The following ITSN1 variants were observed in gnomAD, a reference collection of about 807,000 sequenced individuals.
The protein encoded by ITSN1 is intersectin-1.
A neutral mutation model predicts 239.8 loss-of-function variants in ITSN1; 58 were observed. The observed-to-expected ratio is 0.24, with a 90% confidence interval of 0.20 to 0.30. The LOEUF (loss-of-function observed/expected upper bound fraction) is 0.30, where lower values mean the gene tolerates loss of function less well. ITSN1 is among the 10% of genes least tolerant of loss of function. ITSN1 has a pLI of 1.00. For missense variants in ITSN1, 1,558 were observed against 2,103.3 expected (o/e 0.74, Z 5.07); for synonymous variants, 780 against 770.8 (o/e 1.01, Z -0.20).
intron 1 of ITSN1, among the ~76,000 whole-genome samples, chr21:33,708,676 G>A (rs1355595666): frequency 1.3e-5 from 2 of 152,180 alleles, no homozygotes; most frequent in African/African-American, 2.4e-5. Context: ...GTGAGCCACC[G>A]CACCCGGCCT....
Position 33,749,253 on chromosome 21 carries a change from G to A in ITSN1, c.347-890G>A, listed in dbSNP as rs529218800. 9.9e-5 allele frequency among the ~76,000 whole-genome samples: 15 copies of A among 152,094 alleles called. No homozygotes were observed. In the South Asian group the frequency reaches 3.1e-3, roughly 32 times the overall value. ...GATCTTCCTGCCTTGGCCTTCCAAA[G>A]TAGTGAGTTTACAGGCATAAGCCAC... On this transcript the variant is annotated intron_variant, in intron 5 of 39. Transcript: ENST00000381318.
rs1986988220 is a variant in ITSN1 at position 33,899,685 on chromosome 21, T to C, written c.*11385T>C. 6.6e-6 allele frequency: 1 copy of C among 152,244 alleles called. No homozygotes were observed. 9.4% of individuals were successfully genotyped at this position (152,244 alleles called of 1,614,324 possible). On this transcript the variant is annotated 3_prime_UTR_variant, in exon 40 of 40. Coordinates refer to ENST00000381318, the MANE Select transcript of ITSN1 (RefSeq NM_003024.3). The stretch of plus-strand genomic sequence containing the variant: ...TTTTACCGATTAAGATGATGGTAAC[T>C]GAGACCTTTCTTTAAACCAGTAGCA...
chr21:33,665,642 A>G (rs564087070), intron 1 of ITSN1, among the ~76,000 whole-genome samples: 1 of 152,328 alleles, frequency 6.6e-6, no homozygotes, highest in South Asian at 2.1e-4. Flanking sequence ...GCTATATACC[A>G]AAAGAAAACA....
At chr21:33,858,605 C>T in intron 30 of ITSN1, 81 bp from the exon 31 acceptor site, 1 of 865,120 alleles carries the variant, frequency 1.2e-6, no homozygotes, top group African/African-American at 1.7e-5. Flanking sequence ...AGCCCTTTCC[C>T]TGCTCTCAGC....
chr21:33,744,484 T>C (rs1171847813), intron 5 of ITSN1, among the ~76,000 whole-genome samples: 1 of 152,202 alleles, frequency 6.6e-6, no homozygotes, highest in Non-Finnish European at 1.5e-5. Flanking sequence ...CTCCTAGTTC[T>C]GTTCACTGAA....
Position 33,781,558 on chromosome 21 carries a change from T to G in ITSN1, c.1684+10T>G. The G allele has an allele frequency of 7.0e-7, 1 of 1,429,294 alleles. No homozygotes were observed. Among genetic ancestry groups the G allele is most frequent in the Non-Finnish European group, 9.5e-7 (1 of 1,048,502 alleles). The allele number at this position is 1,429,294 out of a possible 1,614,324, so 88.5% of individuals were successfully genotyped here. A position where few individuals can be genotyped will look rare whatever the true frequency, so the allele number is the denominator to read the frequency against. ...CAGAACAGTTTGCACAGTAGGTGTTTTATTTTTAAAGTTGACCTTTTCTTT... is the reference window on the plus strand; with the variant it reads ...CAGAACAGTTTGCACAGTAGGTGTTGTATTTTTAAAGTTGACCTTTTCTTT... On this transcript the variant is annotated intron_variant, in intron 15 of 39. Coordinates refer to ENST00000381318, the MANE Select transcript of ITSN1 (RefSeq NM_003024.3).
At position 33,686,527 on chromosome 21, in the gene ITSN1, T is replaced by G. The variant is rs550453384; in HGVS notation, c.-32-32270T>G. On this transcript the variant is annotated intron_variant, in intron 1 of 39. Transcript: ENST00000381318. ...GGCAAGGTAATTGAACTGTGCTGAG[T>G]GCTCGCCGATGTATCCTTCTGGCCT... Among the ~76,000 whole-genome samples the G allele has an allele frequency of 7.9e-5, 12 of 152,252 alleles. No individual in the cohort carries two copies. The South Asian group carries it at 2.5e-3, about 32-fold the overall frequency.
chr21:33,703,882 T>C (rs1422285891), intron 1 of ITSN1, among the ~76,000 whole-genome samples: 2 of 152,208 alleles, frequency 1.3e-5, no homozygotes, highest in East Asian at 3.8e-4. Flanking sequence ...TGTTGTCTCC[T>C]CGCCGAAGAG....
chr21:33,751,975 C>A, intron 7 of ITSN1, 69 bp downstream of exon 7: 1 of 988,922 alleles, frequency 1.0e-6, no homozygotes, highest in Non-Finnish European at 1.6e-6. Flanking sequence ...TAAATTTGAC[C>A]ATGAATCATC....
intron 29 of ITSN1, among the ~76,000 whole-genome samples, chr21:33,844,626 C>T (rs2074930381): frequency 6.6e-6 from 1 of 152,160 alleles, no homozygotes; most frequent in Non-Finnish European, 1.5e-5. Flanking sequence ...TAATTCCCTC[C>T]CTGCCCACTG....
chr21:33,730,600 C>G lies in ITSN1; in HGVS notation c.186-4444C>G, dbSNP rs145148282. On this transcript the variant is annotated intron_variant, in intron 4 of 39. Transcript: ENST00000381318. ...TATTTTTAGTAGAGATGGGGTTTCACCATCTTGGCCAGGCTGGTCTTGAAC... is the reference window on the plus strand; with the variant it reads ...TATTTTTAGTAGAGATGGGGTTTCAGCATCTTGGCCAGGCTGGTCTTGAAC... Among the ~76,000 whole-genome samples, 448 of 151,922 alleles carry G rather than the reference C, an allele frequency of 2.9e-3. 4 individuals are homozygous for G. Among genetic ancestry groups the G allele is most frequent in the African/African-American group, 0.01 (422 of 41,456 alleles).
chr21:33,883,520 G>A lies in ITSN1; in HGVS notation c.4555-30G>A, dbSNP rs756103566. 69 of 1,609,954 alleles carry A rather than the reference G, an allele frequency of 4.3e-5. No homozygotes were observed. In the South Asian group the frequency reaches 6.8e-4, roughly 16 times the overall value. On this transcript the variant is annotated intron_variant, in intron 35 of 39. Coordinates refer to ENST00000381318, the MANE Select transcript of ITSN1 (RefSeq NM_003024.3). The stretch of plus-strand genomic sequence containing the variant: ...CCGGAGCACACAGACCCCCAGCCTC[G>A]CTTTGTAATGCCTGTGTGTTACTTT...
At chr21:33,749,412 G>A (rs2147454869) in intron 5 of ITSN1, among the ~76,000 whole-genome samples, 1 of 152,238 alleles carries the variant, frequency 6.6e-6, no homozygotes, top group Non-Finnish European at 1.5e-5. Context: ...GGAGGCCAAG[G>A]CAGGTGGATC....
At chr21:33,740,052 TAAG>T (rs1187188319) in intron 5 of ITSN1, among the ~76,000 whole-genome samples, 1 of 152,024 alleles carries the variant, frequency 6.6e-6, no homozygotes, top group Non-Finnish European at 1.5e-5. Context: ...AGATTGGAAA[TAAG>T]AAATGAAAAA....
At chr21:33,826,549 G>C (rs951068982) in intron 25 of ITSN1, among the ~76,000 whole-genome samples, 1 of 152,186 alleles carries the variant, frequency 6.6e-6, no homozygotes, top group Non-Finnish European at 1.5e-5. Flanking sequence ...TCCGAGAAGT[G>C]CCTGTGCTTG....
rs1287431256 is a variant in ITSN1 at position 33,797,659 on chromosome 21, A to G, written c.2182+51A>G. 2 of 1,488,852 alleles carry G rather than the reference A, an allele frequency of 1.3e-6. No homozygotes were observed. Among genetic ancestry groups the G allele is most frequent in the South Asian group, 2.4e-5 (2 of 84,604 alleles). The allele number at this position is 1,488,852 out of a possible 1,614,324, so 92.2% of individuals were successfully genotyped here. On this transcript the variant is annotated intron_variant, in intron 18 of 39. Transcript: ENST00000381318. The surrounding 1 kb of genome is among the most constrained non-coding windows in gnomAD (Gnocchi z 4.9). The stretch of plus-strand genomic sequence containing the variant: ...GAAAATAAGTCATCTTCTCTCCCAG[A>G]GCCTCCTGAAAAATGCCCCTATCTC...
At chr21:33,836,844 C>A in intron 29 of ITSN1, 1 of 630,744 alleles carries the variant, frequency 1.6e-6, no homozygotes. Context: ...TGTAGCATGT[C>A]CCCTCCCTCC....
At chr21:33,716,809 G>A (rs2065169932) in intron 1 of ITSN1, among the ~76,000 whole-genome samples, 2 of 151,684 alleles carry the variant, frequency 1.3e-5, no homozygotes, top group Admixed American at 6.6e-5. Context: ...AAAATTAGCC[G>A]GGCATGGTGG....
rs549894846 is a variant in ITSN1 at position 33,796,994 on chromosome 21, G to T, written c.1953-385G>T. On this transcript the variant is annotated intron_variant, in intron 17 of 39. Transcript: ENST00000381318. ...TTCAGGTTTGGGGAGCAATGTGTGT[G>T]CATGTAAATGTGTTGTTCCCTTTGC... Among the ~76,000 whole-genome samples, 286 of 152,236 alleles carry T rather than the reference G, an allele frequency of 1.9e-3. 3 individuals are homozygous for T. The South Asian group carries it at 0.027, about 14-fold the overall frequency.
Sources: allele counts gnomAD v4.1 joint callset (sites outside exome capture counted in the v4.1 genomes callset), GRCh38; gene constraint gnomAD v4.1.1; non-coding constraint Gnocchi (gnomAD v3.1); transcripts MANE v1.5; gene names NCBI Gene and HGNC (gene_info 2026-07-23, HGNC 2026-07-21).